Variants in UBASH3B observed in about 807,000 individuals in gnomAD.
UBASH3B encodes the protein ubiquitin-associated and SH3 domain-containing protein B.
Under a neutral mutation model 83.4 loss-of-function variants are expected in UBASH3B, and 37 were observed. The observed-to-expected ratio is 0.44, with a 90% CI of 0.34 to 0.58. The LOEUF (loss-of-function observed/expected upper bound fraction) is 0.58, where lower values mean the gene tolerates loss of function less well. UBASH3B is among the 20% of genes least tolerant of loss of function. The pLI is 0.01. For missense variants in UBASH3B, 657 were observed against 827.2 expected, an observed-to-expected ratio of 0.79 and a Z score of 2.52; for synonymous variants, 304 against 318.3, an observed-to-expected ratio of 0.96 and a Z score of 0.48.
chr11:122,683,211 C>T (rs116601084), intron 1 of UBASH3B, among the ~76,000 whole-genome samples: 5,045 of 149,150 alleles, frequency 0.034, 308 homozygotes, highest in African/African-American at 0.12. Context: ...ACTGCACTCC[C>T]GCCTGGAGAC....
At chr11:122,666,206 T>C (rs533217281) in intron 1 of UBASH3B, among the ~76,000 whole-genome samples, 1 of 152,374 alleles carries the variant, frequency 6.6e-6, no homozygotes, top group South Asian at 2.1e-4. Flanking sequence ...TTTAGAATCC[T>C]GCTTCCACGT....
At chr11:122,686,430 C>T (rs756452177) in intron 1 of UBASH3B, among the ~76,000 whole-genome samples, 5 of 152,146 alleles carry the variant, frequency 3.3e-5, no homozygotes, top group African/African-American at 4.8e-5. Context: ...CGGAAGCAAG[C>T]GTTCCTCCTA....
intron 1 of UBASH3B, among the ~76,000 whole-genome samples, chr11:122,725,374 G>A (rs1482600272): frequency 2.1e-5 from 3 of 144,034 alleles, no homozygotes; most frequent in Admixed American, 6.8e-5. Context: ...TCAATGACTT[G>A]AGTACCTCGC....
intron 1 of UBASH3B, among the ~76,000 whole-genome samples, chr11:122,666,041 G>C (rs529768310): frequency 6.6e-6 from 1 of 152,180 alleles, no homozygotes; most frequent in African/African-American, 2.4e-5. Flanking sequence ...GTGCAGAGTG[G>C]GAAGCTGAAA....
intron 1 of UBASH3B, among the ~76,000 whole-genome samples, chr11:122,710,276 G>A (rs565432989): frequency 5.8e-4 from 88 of 152,240 alleles, no homozygotes; most frequent in African/African-American, 2.0e-3. Flanking sequence ...GAAGACAGAG[G>A]TAAATGCAGT....
In UBASH3B at chr11:122,811,937, G is replaced by T. The variant is rs1861456266; in HGVS notation, c.*2051G>T. The T allele has an allele frequency of 6.6e-6, 1 of 152,148 alleles. No individual in the cohort carries two copies. Among genetic ancestry groups the T allele is most frequent in the Non-Finnish European group, 1.5e-5 (1 of 68,028 alleles). The allele number at this position is 152,148 out of a possible 1,614,324, so 9.4% of individuals were successfully genotyped here. On this transcript the variant is annotated 3_prime_UTR_variant, in exon 14 of 14. Transcript: ENST00000284273. The stretch of plus-strand genomic sequence containing the variant: ...ACAGATTCACCACAAATTTTCATGG[G>T]CGTTGAGTGCTCAGAATAATGCTTG...
At chr11:122,800,126 A>C (rs1861226082) in intron 10 of UBASH3B, among the ~76,000 whole-genome samples, 2 of 152,232 alleles carry the variant, frequency 1.3e-5, no homozygotes, top group Non-Finnish European at 2.9e-5. Context: ...GTAAATGTTC[A>C]GCATTAGATT....
chr11:122,779,430 T>A, intron 3 of UBASH3B, 67 bp from the exon 4 acceptor site: 1 of 1,565,856 alleles, frequency 6.4e-7, no homozygotes, highest in South Asian at 1.1e-5. Flanking sequence ...AGGATGCCAA[T>A]GTTAAGTAGC....
chr11:122,689,455 T>G (rs370452267), intron 1 of UBASH3B, among the ~76,000 whole-genome samples: 4 of 152,318 alleles, frequency 2.6e-5, no homozygotes. Context: ...ATTAAAAGCC[T>G]TTAGTTTTCG....
chr11:122,729,807 A>C (rs1367257722), intron 1 of UBASH3B, among the ~76,000 whole-genome samples: 104 of 147,836 alleles, frequency 7.0e-4, no homozygotes, highest in Non-Finnish European at 1.3e-3. Flanking sequence ...AAAAAAAAAA[A>C]AAAAAAAAAA....
In UBASH3B at chr11:122,812,333, T is replaced by G. The variant is rs941742260; in HGVS notation, c.*2447T>G. ...TTGCACACTTACCTATTTAAAAAAC[T>G]AAACTTGCACTGCAACTGAGAAATT... On this transcript the variant is annotated 3_prime_UTR_variant, in exon 14 of 14. Coordinates refer to ENST00000284273, the MANE Select transcript of UBASH3B (RefSeq NM_032873.5). The G allele has an allele frequency of 6.6e-6, 1 of 152,234 alleles. No individual in the cohort carries two copies. Among genetic ancestry groups the G allele is most frequent in the African/African-American group, 2.4e-5 (1 of 41,458 alleles). 9.4% of individuals were successfully genotyped at this position (152,234 alleles called of 1,614,324 possible). A position where few individuals can be genotyped will look rare whatever the true frequency, so the allele number is the denominator to read the frequency against.
At chr11:122,788,288 G>T (rs145915234) in intron 5 of UBASH3B, among the ~76,000 whole-genome samples, 33 of 152,322 alleles carry the variant, frequency 2.2e-4, no homozygotes, top group African/African-American at 7.9e-4. Context: ...AGCTAAGTTG[G>T]CCGGGCATGG....
chr11:122,724,383 A>C (rs1591787254), intron 1 of UBASH3B, among the ~76,000 whole-genome samples: 1 of 152,344 alleles, frequency 6.6e-6, no homozygotes, highest in South Asian at 2.1e-4. Context: ...TTGTTTGACA[A>C]ACATCATGTT....
intron 11 of UBASH3B, among the ~76,000 whole-genome samples, chr11:122,802,321 A>G (rs1861271887): frequency 1.3e-5 from 2 of 150,714 alleles, no homozygotes; most frequent in Non-Finnish European, 3.0e-5. Context: ...CTGAAAAAAA[A>G]AAAAAAAAAA....
intron 5 of UBASH3B, 21 bp from the exon 6 acceptor site, chr11:122,789,079 C>T: frequency 6.2e-7 from 1 of 1,604,144 alleles, no homozygotes; most frequent in Non-Finnish European, 8.5e-7. Context: ...GGGGCTCACT[C>T]ACCCTCTCTT....
At position 122,764,625 on chromosome 11, in the gene UBASH3B, T is replaced by A. The variant is rs73020255; in HGVS notation, c.162-11594T>A. Among the ~76,000 whole-genome samples, 1,299 of 152,362 alleles carry A rather than the reference T, an allele frequency of 8.5e-3. 6 individuals are homozygous for A. The highest frequency in any genetic ancestry group is 0.013 in the Non-Finnish European group (903 of 68,030). On this transcript the variant is annotated intron_variant, in intron 1 of 13. Transcript: ENST00000284273. Reference sequence around the variant, plus strand: ...GACCTCTGTTGATGAAAGGTGGGACTGAATTGCGTGGATCTTATTGGCCAC... The same window carrying A: ...GACCTCTGTTGATGAAAGGTGGGACAGAATTGCGTGGATCTTATTGGCCAC...
chr11:122,737,168 G>A (rs1341010389), intron 1 of UBASH3B, among the ~76,000 whole-genome samples: 1 of 152,162 alleles, frequency 6.6e-6, no homozygotes, highest in Non-Finnish European at 1.5e-5. Context: ...CCATGTTAAG[G>A]TTCTGGAACT....
intron 1 of UBASH3B, among the ~76,000 whole-genome samples, chr11:122,693,819 C>T (rs755656242): frequency 2.0e-5 from 3 of 152,004 alleles, no homozygotes; most frequent in Non-Finnish European, 2.9e-5. Flanking sequence ...TGCAGTGAGC[C>T]GAGATGGTGC....
At chr11:122,685,843 G>A (rs1411101452) in intron 1 of UBASH3B, among the ~76,000 whole-genome samples, 2 of 152,090 alleles carry the variant, frequency 1.3e-5, no homozygotes, top group Non-Finnish European at 2.9e-5. Context: ...TTTATAGCTC[G>A]TTACATTTTC....
Sources: allele counts gnomAD v4.1 joint callset (sites outside exome capture counted in the v4.1 genomes callset), GRCh38; gene constraint gnomAD v4.1.1; transcripts MANE v1.5; gene names NCBI Gene and HGNC (gene_info 2026-07-23, HGNC 2026-07-21).